The following CTNND2 variants were observed in gnomAD, a reference collection of about 807,000 sequenced individuals.
CTNND2 encodes catenin delta-2.
A neutral mutation model predicts 144.4 loss-of-function variants in CTNND2; 22 were observed. The ratio of observed to expected loss-of-function variants is 0.15; its 90% CI spans 0.11 to 0.22. The LOEUF (loss-of-function observed/expected upper bound fraction) is 0.22. Ranked by LOEUF, CTNND2 falls within the 10% of genes least tolerant of loss-of-function variation. CTNND2 has a pLI of 1.00. For missense variants in CTNND2, 1,353 were observed against 1,618.8 expected (o/e 0.84, Z 2.82); for synonymous variants, 751 against 695.6 (o/e 1.08, Z -1.25).
chr5:11,447,031 G>A (rs1210822827), intron 3 of CTNND2, among the ~76,000 whole-genome samples: 2 of 151,900 alleles, frequency 1.3e-5, no homozygotes, highest in African/African-American at 2.4e-5. Flanking sequence ...ATCTCTGGAG[G>A]GTTCTTTAAC....
intron 2 of CTNND2, among the ~76,000 whole-genome samples, chr5:11,656,467 T>C (rs1390334115): frequency 5.3e-5 from 8 of 151,772 alleles, no homozygotes; most frequent in Non-Finnish European, 8.8e-5. Context: ...TGCAACCTCA[T>C]TTTTGCCCTC....
At chr5:11,266,846 C>T (rs1334263123) in intron 9 of CTNND2, among the ~76,000 whole-genome samples, 2 of 152,166 alleles carry the variant, frequency 1.3e-5, no homozygotes, top group Non-Finnish European at 2.9e-5. Flanking sequence ...GCTTCCTACT[C>T]TCGAACTGCC....
chr5:11,443,551 T>A (rs1764536626), intron 3 of CTNND2, among the ~76,000 whole-genome samples: 1 of 152,070 alleles, frequency 6.6e-6, no homozygotes, highest in Admixed American at 6.6e-5. Context: ...AAAAATTCTT[T>A]CAAAATGTTA....
intron 2 of CTNND2, among the ~76,000 whole-genome samples, chr5:11,687,608 C>T (rs1784714615): frequency 6.6e-6 from 1 of 152,144 alleles, no homozygotes; most frequent in Non-Finnish European, 1.5e-5. Flanking sequence ...TGAAATCATT[C>T]CTGCAGAGTT....
chr5:11,378,335 C>G (rs1238466840), intron 7 of CTNND2, among the ~76,000 whole-genome samples: 1 of 152,154 alleles, frequency 6.6e-6, no homozygotes, highest in Admixed American at 6.5e-5. Flanking sequence ...AGAGGCATGG[C>G]CAGCAGGGAA....
chr5:11,469,465 C>A (rs1025395632), intron 3 of CTNND2, among the ~76,000 whole-genome samples: 2 of 152,172 alleles, frequency 1.3e-5, no homozygotes, highest in African/African-American at 4.8e-5. Flanking sequence ...AGGCATAACA[C>A]TGCTGCATTT....
intron 2 of CTNND2, among the ~76,000 whole-genome samples, chr5:11,629,971 C>CT (rs986222232): frequency 1.3e-5 from 2 of 152,020 alleles, no homozygotes; most frequent in East Asian, 1.9e-4. Flanking sequence ...AAAAAGTAAA[C>CT]TTTTTTTCCC....
rs896962163 is a variant in CTNND2, at chr5:11,418,253, A to C, written c.288-6184T>G. ...GAAACCCCATCTCTACTAAAAATAC[A>C]AAAGTAGCTGGGCGTGGTGGCGCAT... On this transcript the variant is annotated intron_variant, in intron 3 of 21. Coordinates refer to ENST00000304623, the MANE Select transcript of CTNND2 (RefSeq NM_001332.4). Among the ~76,000 whole-genome samples, 41 of 152,152 alleles carry C rather than the reference A, an allele frequency of 2.7e-4. 1 individual carries two copies. Among genetic ancestry groups the C allele is most frequent in the Middle Eastern group, 3.4e-3 (1 of 294 alleles).
At position 11,561,097 on chromosome 5, in the gene CTNND2, A is replaced by G. The variant is rs535291209; in HGVS notation, c.287+3847T>C. On this transcript the variant is annotated intron_variant, in intron 3 of 21. Coordinates refer to ENST00000304623, the MANE Select transcript of CTNND2 (RefSeq NM_001332.4). ...CATTGACAGGCCTACAGCCTCAGGA[A>G]TGGGCCTTGGGCTGAGCATGAGCCA... Among the ~76,000 whole-genome samples, 274 of 152,300 alleles carry G rather than the reference A, an allele frequency of 1.8e-3. 2 individuals carry two copies. Among genetic ancestry groups the G allele is most frequent in the African/African-American group, 6.4e-3 (267 of 41,568 alleles).
chr5:11,579,735 T>C (rs1316222419), intron 2 of CTNND2, among the ~76,000 whole-genome samples: 1 of 152,194 alleles, frequency 6.6e-6, no homozygotes, highest in Non-Finnish European at 1.5e-5. Flanking sequence ...CTGTCTGTGC[T>C]TAGCCAATAT....
intron 2 of CTNND2, among the ~76,000 whole-genome samples, chr5:11,670,143 AT>A (rs1422457120): frequency 6.6e-6 from 1 of 152,060 alleles, no homozygotes; most frequent in Non-Finnish European, 1.5e-5. Flanking sequence ...ATTCTTTTGC[AT>A]TTGCTGAGGT....
At chr5:11,063,411 A>G (rs1004094596) in intron 16 of CTNND2, among the ~76,000 whole-genome samples, 1 of 152,182 alleles carries the variant, frequency 6.6e-6, no homozygotes, top group Non-Finnish European at 1.5e-5. Context: ...TCTGCTAATA[A>G]CTACAGTAAT....
chr5:11,846,934 C>T (rs1183750130), intron 1 of CTNND2, among the ~76,000 whole-genome samples: 2 of 151,262 alleles, frequency 1.3e-5, no homozygotes, highest in Non-Finnish European at 3.0e-5. Flanking sequence ...ATCAGAAAGA[C>T]AAAAAATAAA....
chr5:11,283,282 A>G (rs1747349961), intron 9 of CTNND2, among the ~76,000 whole-genome samples: 1 of 152,172 alleles, frequency 6.6e-6, no homozygotes, highest in African/African-American at 2.4e-5. Context: ...GTGTACAAGT[A>G]AAGACCACTG....
chr5:11,551,435 T>TC, intron 3 of CTNND2, among the ~76,000 whole-genome samples: 1 of 36,264 alleles, frequency 2.8e-5, no homozygotes, highest in African/African-American at 1.1e-4. Context: ...CTTTTTTCTT[T>TC]TTTTTTTTTT....
intron 3 of CTNND2, among the ~76,000 whole-genome samples, chr5:11,482,278 T>C (rs1020895315): frequency 9.2e-5 from 14 of 152,162 alleles, no homozygotes; most frequent in Admixed American, 6.5e-5. Context: ...GATGTCTCTA[T>C]GGATAGGAAT....
intron 18 of CTNND2, among the ~76,000 whole-genome samples, chr5:11,013,213 GT>G (rs1488308991): frequency 6.6e-6 from 1 of 152,096 alleles, no homozygotes; most frequent in Non-Finnish European, 1.5e-5. Flanking sequence ...ATACCCTTTT[GT>G]CCTCCAATCA....
intron 2 of CTNND2, among the ~76,000 whole-genome samples, chr5:11,574,587 T>C (rs1330922392): frequency 6.6e-6 from 1 of 152,192 alleles, no homozygotes; most frequent in African/African-American, 2.4e-5. Context: ...CTCGCCTGCC[T>C]GGAAATAAAA....
intron 2 of CTNND2, among the ~76,000 whole-genome samples, chr5:11,607,002 A>T (rs1258661772): frequency 2.0e-5 from 3 of 152,240 alleles, no homozygotes; most frequent in African/African-American, 7.2e-5. Flanking sequence ...TATGACCAGC[A>T]TCCTTGTAAA....
Sources: allele counts gnomAD v4.1 joint callset (sites outside exome capture counted in the v4.1 genomes callset), GRCh38; gene constraint gnomAD v4.1.1; transcripts MANE v1.5; gene names NCBI Gene and HGNC (gene_info 2026-07-23, HGNC 2026-07-21).